The following PSMD14 variants were observed in gnomAD, a reference collection of about 807,000 sequenced individuals.
PSMD14 encodes proteasome 26S subunit, non-ATPase 14, also known as ubiquitin C-terminal hydrolase PSMD14.
In PSMD14, 7 loss-of-function variants were observed where a neutral mutation model predicts 41.2. The ratio of observed to expected loss-of-function variants is 0.17; its 90% confidence interval spans 0.10 to 0.32. PSMD14 has a LOEUF of 0.32. Among genes scored for constraint, PSMD14 ranks in the 10% least tolerant of loss-of-function variants. The probability of loss-of-function intolerance (pLI) is 1.00; values close to 1 mark genes in which losing one functional copy is unlikely to be tolerated. For missense variants in PSMD14, 139 were observed against 375.6 expected, an observed-to-expected ratio of 0.37 and a Z score of 5.21; for synonymous variants, 114 against 122.3, an observed-to-expected ratio of 0.93 and a Z score of 0.45.
rs573433935 is a variant in PSMD14 at position 161,373,328 on chromosome 2, T to C, written c.462+2006T>C. Reference sequence around the variant, plus strand: ...AAAAATTTAGTGTAAATATCTATCATTGATGATTTGTATCACTTGTTGGAC... The same window carrying C: ...AAAAATTTAGTGTAAATATCTATCACTGATGATTTGTATCACTTGTTGGAC... On this transcript the variant is annotated intron_variant, in intron 7 of 11. Coordinates refer to ENST00000409682, the MANE Select transcript of PSMD14 (RefSeq NM_005805.6). Among the ~76,000 whole-genome samples, 3 of 152,034 alleles carry C rather than the reference T, an allele frequency of 2.0e-5. No homozygotes were observed. In the East Asian group the frequency reaches 5.8e-4, roughly 29 times the overall value.
chr2:161,349,622 A>G (rs1683090941), intron 3 of PSMD14, among the ~76,000 whole-genome samples: 1 of 152,202 alleles, frequency 6.6e-6, no homozygotes, highest in African/African-American at 2.4e-5. Context: ...ATCCTATGTG[A>G]AGTTACAAAC....
In PSMD14 at chr2:161,361,831, T is replaced by C. The variant is rs184028917; in HGVS notation, c.49-5647T>C. ...TCAGTCTTTTTGTTTTAATTGTTAC[T>C]CGTAAGCAGCATACACAAGAATTTC... On this transcript the variant is annotated intron_variant, in intron 3 of 11. Coordinates refer to ENST00000409682, the MANE Select transcript of PSMD14 (RefSeq NM_005805.6). Among the ~76,000 whole-genome samples, 407 of 152,308 alleles carry C rather than the reference T, an allele frequency of 2.7e-3. 4 individuals carry two copies. Among genetic ancestry groups the C allele is most frequent in the Non-Finnish European group, 4.5e-3 (308 of 68,012 alleles).
intron 11 of PSMD14, among the ~76,000 whole-genome samples, chr2:161,411,066 T>A (rs1241539542): frequency 1.3e-5 from 2 of 152,156 alleles, no homozygotes; most frequent in Non-Finnish European, 2.9e-5. Context: ...TGGTACATAG[T>A]CATTGCATTG....
At chr2:161,352,662 G>A (rs1286204000) in intron 3 of PSMD14, among the ~76,000 whole-genome samples, 2 of 151,596 alleles carry the variant, frequency 1.3e-5, no homozygotes, top group African/African-American at 2.4e-5. Context: ...TCAAATAGTC[G>A]TGCCCACATT....
chr2:161,335,393 G>C (rs1243070957), intron 3 of PSMD14, among the ~76,000 whole-genome samples: 1 of 152,204 alleles, frequency 6.6e-6, no homozygotes, highest in Non-Finnish European at 1.5e-5. Flanking sequence ...AAATGTAGCT[G>C]TTATGACTGA....
Position 161,392,998 on chromosome 2 carries a change from A to G in PSMD14, c.645+1820A>G, listed in dbSNP as rs1559053713. Among the ~76,000 whole-genome samples, 6 of 152,160 alleles carry G rather than the reference A, an allele frequency of 3.9e-5. No individual in the cohort carries two copies. In the South Asian group the frequency reaches 1.2e-3, roughly 31 times the overall value. On this transcript the variant is annotated intron_variant, in intron 9 of 11. Coordinates refer to ENST00000409682, the MANE Select transcript of PSMD14 (RefSeq NM_005805.6). ...TCCTTGGCATAAAAAGCAAATATAT[A>G]AGCACTTACATAAATTACTTAATGT...
At chr2:161,314,533 G>A (rs574887958) in intron 1 of PSMD14, among the ~76,000 whole-genome samples, 100 of 152,218 alleles carry the variant, frequency 6.6e-4, no homozygotes, top group African/African-American at 2.3e-3. Context: ...TAGCAATTTA[G>A]CACTTTCTCC....
At chr2:161,355,181 C>T (rs960489139) in intron 3 of PSMD14, among the ~76,000 whole-genome samples, 2 of 152,020 alleles carry the variant, frequency 1.3e-5, no homozygotes, top group African/African-American at 4.8e-5. Flanking sequence ...AGAAATATAT[C>T]GTTGGTTAAA....
chr2:161,319,056 C>A (rs1289737535), intron 3 of PSMD14, 183 bp downstream of exon 3: 8 of 423,882 alleles, frequency 1.9e-5, no homozygotes, highest in Non-Finnish European at 3.3e-5. Flanking sequence ...CATTTATTGT[C>A]TTAGTTTACT....
chr2:161,399,983 A>G (rs1384388671), intron 10 of PSMD14, among the ~76,000 whole-genome samples: 2 of 152,112 alleles, frequency 1.3e-5, no homozygotes, highest in South Asian at 2.1e-4. Context: ...CCCTTTTTCA[A>G]AAGTATCTCT....
chr2:161,310,938 T>G (rs763847545), intron 1 of PSMD14, among the ~76,000 whole-genome samples: 19 of 152,222 alleles, frequency 1.2e-4, no homozygotes, highest in Non-Finnish European at 2.4e-4. Flanking sequence ...ACTAAATTTC[T>G]TGAGTCAGCC....
intron 7 of PSMD14, among the ~76,000 whole-genome samples, chr2:161,375,808 G>A (rs1044353709): frequency 2.6e-5 from 4 of 151,828 alleles, no homozygotes; most frequent in Non-Finnish European, 5.9e-5. Context: ...AAAGTGAGTG[G>A]ATCGCTAGAG....
chr2:161,405,988 TAAAAAC>T (rs1214709203), intron 10 of PSMD14, among the ~76,000 whole-genome samples: 1 of 152,038 alleles, frequency 6.6e-6, no homozygotes, highest in Non-Finnish European at 1.5e-5. Flanking sequence ...TTCAGAAAGT[TAAAAAC>T]AACAACAACA....
chr2:161,369,982 G>A (rs748502700), intron 5 of PSMD14, 125 bp from the exon 6 acceptor site: 1 of 621,166 alleles, frequency 1.6e-6, no homozygotes, highest in Non-Finnish European at 2.8e-6. Context: ...TGAATGACTT[G>A]AGTAGGTATC....
At chr2:161,356,605 C>G (rs1293021090) in intron 3 of PSMD14, among the ~76,000 whole-genome samples, 1 of 151,938 alleles carries the variant, frequency 6.6e-6, no homozygotes, top group Non-Finnish European at 1.5e-5. Context: ...AACATATAAT[C>G]ACCTTCATTT....
chr2:161,402,451 C>G (rs1249884019), intron 10 of PSMD14, among the ~76,000 whole-genome samples: 1 of 151,918 alleles, frequency 6.6e-6, no homozygotes, highest in Non-Finnish European at 1.5e-5. Flanking sequence ...AAGGCCTGGG[C>G]AACATAGAGA....
chr2:161,389,536 G>A (rs1224233886), intron 8 of PSMD14, among the ~76,000 whole-genome samples: 4 of 152,054 alleles, frequency 2.6e-5, no homozygotes, highest in Non-Finnish European at 4.4e-5. Context: ...ATACACTCTT[G>A]GTACTTTACA....
intron 3 of PSMD14, among the ~76,000 whole-genome samples, chr2:161,337,348 G>C (rs1015538372): frequency 1.3e-5 from 2 of 152,120 alleles, no homozygotes; most frequent in Non-Finnish European, 2.9e-5. Context: ...TTATTGTTAG[G>C]AGTAGTAGTA....
chr2:161,321,441 A>G (rs1434351078), intron 3 of PSMD14, among the ~76,000 whole-genome samples: 1 of 152,018 alleles, frequency 6.6e-6, no homozygotes, highest in East Asian at 1.9e-4. Context: ...ATTTTTTTTT[A>G]TATCAGTGTC....
Sources: allele counts gnomAD v4.1 joint callset (sites outside exome capture counted in the v4.1 genomes callset), GRCh38; gene constraint gnomAD v4.1.1; transcripts MANE v1.5; gene names NCBI Gene and HGNC (gene_info 2026-07-23, HGNC 2026-07-21).